The following NPAS3 variants were observed in gnomAD, a reference collection of about 807,000 sequenced individuals.
NPAS3 encodes the protein neuronal PAS domain-containing protein 3.
NPAS3 carries 14 observed loss-of-function variants against 73.1 expected under a neutral mutation model. The observed-to-expected ratio is 0.19, with a 90% confidence interval of 0.13 to 0.30. The LOEUF (loss-of-function observed/expected upper bound fraction) is 0.30. Among genes scored for constraint, NPAS3 ranks in the 10% least tolerant of loss-of-function variants. The pLI is 1.00. For synonymous variants in NPAS3, 620 were observed against 541.5 expected, an observed-to-expected ratio of 1.14 and a Z score of -2.01; for missense variants, 1,096 against 1,250.0, an observed-to-expected ratio of 0.88 and a Z score of 1.86.
At chr14:33,065,832 T>G (rs1030630705) in intron 2 of NPAS3, among the ~76,000 whole-genome samples, 1 of 152,134 alleles carries the variant, frequency 6.6e-6, no homozygotes, top group Non-Finnish European at 1.5e-5. Context: ...CTATTGCCTG[T>G]CAGGGGTGCT....
intron 4 of NPAS3, among the ~76,000 whole-genome samples, chr14:33,464,796 A>G (rs1175065945): frequency 1.3e-5 from 2 of 152,184 alleles, no homozygotes; most frequent in African/African-American, 4.8e-5. Flanking sequence ...TGCCAAGTGC[A>G]AAGCCCTTTG....
chr14:33,081,584 A>G (rs541012856), intron 2 of NPAS3, among the ~76,000 whole-genome samples: 2 of 151,346 alleles, frequency 1.3e-5, no homozygotes, highest in East Asian at 1.9e-4. Flanking sequence ...CCTCCCCACC[A>G]TTTGCACAGT....
chr14:33,751,052 G>C (rs2061949158), intron 7 of NPAS3, among the ~76,000 whole-genome samples: 1 of 152,068 alleles, frequency 6.6e-6, no homozygotes, highest in South Asian at 2.1e-4. Context: ...AAGAAATCTG[G>C]GTATCAGGAA....
At chr14:33,151,581 T>A (rs1389446297) in intron 2 of NPAS3, among the ~76,000 whole-genome samples, 2 of 152,232 alleles carry the variant, frequency 1.3e-5, no homozygotes, top group Non-Finnish European at 2.9e-5. Flanking sequence ...TGTGATGAAT[T>A]TATGTTATAT....
At chr14:33,345,164 T>C (rs2044668838) in intron 3 of NPAS3, among the ~76,000 whole-genome samples, 1 of 152,186 alleles carries the variant, frequency 6.6e-6, no homozygotes, top group African/African-American at 2.4e-5. Context: ...GAATAACTAA[T>C]TTACTCTAAA....
chr14:32,946,358 A>G lies in NPAS3; in HGVS notation c.50+6992A>G, dbSNP rs1405515582. ...AACACACACACACGCGCACACACAC[A>G]CACACACACACACACACACACACAC... On this transcript the variant is annotated intron_variant, in intron 1 of 11. Coordinates refer to ENST00000356141, the Ensembl canonical transcript of NPAS3. Among the ~76,000 whole-genome samples, 654 of 150,114 alleles carry G rather than the reference A, an allele frequency of 4.4e-3. 2 individuals are homozygous for G. The highest frequency in any genetic ancestry group is 0.016 in the African/African-American group (625 of 40,314).
intron 1 of NPAS3, among the ~76,000 whole-genome samples, chr14:33,022,596 C>T (rs971018178): frequency 7.9e-5 from 11 of 139,954 alleles, no homozygotes; most frequent in Middle Eastern, 4.2e-3. Flanking sequence ...ACCCGGGAGG[C>T]GGAGCCTGCA....
intron 2 of NPAS3, among the ~76,000 whole-genome samples, chr14:33,210,483 G>T (rs540763880): frequency 6.6e-6 from 1 of 152,210 alleles, no homozygotes; most frequent in Admixed American, 6.5e-5. Flanking sequence ...CCCACTTCTG[G>T]GCACCACTTG....
intron 3 of NPAS3, among the ~76,000 whole-genome samples, chr14:33,232,419 A>T (rs1264269429): frequency 1.3e-5 from 2 of 152,106 alleles, no homozygotes; most frequent in African/African-American, 4.8e-5. Context: ...TTCTGAATAC[A>T]CTCAATCTGT....
At chr14:33,619,699 CTT>C (rs2058026146) in intron 5 of NPAS3, among the ~76,000 whole-genome samples, 2 of 152,168 alleles carry the variant, frequency 1.3e-5, no homozygotes, top group South Asian at 4.1e-4. Context: ...TAAATCCACT[CTT>C]GTCTACCCAA....
At position 33,081,646 on chromosome 14, in the gene NPAS3, T is replaced by G. The variant is rs559230304; in HGVS notation, c.140+25652T>G. On this transcript the variant is annotated intron_variant, in intron 2 of 11. Transcript: ENST00000356141. ...AAACATTTAGACCTGGTTTAATTCT[T>G]TTGCATTCATAATTTAAACTGGATC... Among the ~76,000 whole-genome samples the G allele has an allele frequency of 3.9e-4, 60 of 152,334 alleles. 1 individual carries two copies. The highest frequency in any genetic ancestry group is 1.5e-3 in the South Asian group (7 of 4,826).
At chr14:33,610,865 A>G (rs1024735160) in intron 5 of NPAS3, 1 of 152,218 alleles carries the variant, frequency 6.6e-6, no homozygotes, top group Non-Finnish European at 1.5e-5. Flanking sequence ...AGTTTGGATC[A>G]GGGTTGTTCT....
chr14:33,559,162 C>T (rs528284162), intron 4 of NPAS3, among the ~76,000 whole-genome samples: 1 of 152,186 alleles, frequency 6.6e-6, no homozygotes, highest in South Asian at 2.1e-4. Context: ...TTTATTCTTT[C>T]TTTCTTTCTT....
At chr14:33,404,955 C>G (rs1188002181) in intron 4 of NPAS3, among the ~76,000 whole-genome samples, 1 of 151,994 alleles carries the variant, frequency 6.6e-6, no homozygotes, top group African/African-American at 2.4e-5. Context: ...TCTTGTTCTC[C>G]CTTGTCTATA....
chr14:33,797,863 CA>C (rs1009016571), intron 11 of NPAS3, among the ~76,000 whole-genome samples: 4 of 144,906 alleles, frequency 2.8e-5, no homozygotes, highest in Admixed American at 2.7e-4. Flanking sequence ...TATATATATA[CA>C]TATATATATA....
At chr14:32,934,844 C>G (rs1420329160), upstream of NPAS3, 3 of 506,218 alleles carry the variant, frequency 5.9e-6, no homozygotes, top group African/African-American at 6.2e-5. This position sits in a 1 kb window ranked among gnomAD's most constrained non-coding sequence, Gnocchi z 4.1. Flanking sequence ...GAAGCCGCGG[C>G]GATGATCCGA....
At chr14:33,723,449 C>T (rs2061172467) in intron 6 of NPAS3, among the ~76,000 whole-genome samples, 1 of 152,112 alleles carries the variant, frequency 6.6e-6, no homozygotes, top group Non-Finnish European at 1.5e-5. Flanking sequence ...AATGGGGCAT[C>T]CTGTATTTTA....
At chr14:32,989,893 C>G (rs2038261038) in intron 1 of NPAS3, among the ~76,000 whole-genome samples, 1 of 152,104 alleles carries the variant, frequency 6.6e-6, no homozygotes, top group Non-Finnish European at 1.5e-5. Context: ...GTGTGAAGCT[C>G]TTGCAGTTAT....
At chr14:33,457,709 G>C (rs1361741099) in intron 4 of NPAS3, among the ~76,000 whole-genome samples, 3 of 152,116 alleles carry the variant, frequency 2.0e-5, no homozygotes, top group African/African-American at 7.2e-5. Flanking sequence ...CAAATGACTG[G>C]GTCCTTCCAA....
Sources: gnomAD v4.1 joint callset for allele counts (sites outside exome capture counted in the v4.1 genomes callset) on GRCh38, gnomAD v4.1.1 for gene constraint, Gnocchi (gnomAD v3.1) non-coding constraint, MANE v1.5 for transcripts, NCBI Gene and HGNC (gene_info 2026-07-23, HGNC 2026-07-21) for gene names.